Variants in PDZD2 observed in about 807,000 individuals in gnomAD.
PDZD2 encodes PDZ domain-containing protein 2.
A neutral mutation model predicts 220.7 loss-of-function variants in PDZD2; 90 were observed. That is an observed-to-expected ratio of 0.41 (90% CI 0.34 to 0.49). The LOEUF (loss-of-function observed/expected upper bound fraction) is 0.49. Among genes scored for constraint, PDZD2 ranks in the 20% least tolerant of loss-of-function variants. The pLI, the probability that PDZD2 is intolerant of heterozygous loss-of-function variation, is 0.28. For synonymous variants in PDZD2, 1,375 were observed against 1,450.5 expected (o/e 0.95, Z 1.18); for missense variants, 3,174 against 3,608.5 (o/e 0.88, Z 3.08).
chr5:31,875,469 C>A (rs1244909429), intron 2 of PDZD2, among the ~76,000 whole-genome samples: 1 of 151,448 alleles, frequency 6.6e-6, no homozygotes, highest in Non-Finnish European at 1.5e-5. Flanking sequence ...GCCTGTAATC[C>A]TGGCGACTTA....
chr5:31,809,174 C>A (rs1754926400), intron 2 of PDZD2, among the ~76,000 whole-genome samples: 2 of 152,110 alleles, frequency 1.3e-5, no homozygotes, highest in South Asian at 2.1e-4. Flanking sequence ...TTGGAGAGGA[C>A]AGTGGGAGCT....
rs1237139764 is a variant in PDZD2, at chr5:32,015,462, G to C, written c.1407+4980G>C. On this transcript the variant is annotated intron_variant, in intron 6 of 24. Coordinates refer to ENST00000438447, the MANE Select transcript of PDZD2 (RefSeq NM_178140.4). ...GGATGGGGCGTCACTATGTTGCCCA[G>C]CCTGGTTTCAAACTCCTGGCCTCAA... 2.0e-5 allele frequency among the ~76,000 whole-genome samples: 3 copies of C among 152,062 alleles called. No individual in the cohort carries two copies. The East Asian group carries it at 5.8e-4, about 29-fold the overall frequency.
chr5:31,881,858 G>A (rs547101720), intron 2 of PDZD2, among the ~76,000 whole-genome samples: 1 of 151,632 alleles, frequency 6.6e-6, no homozygotes, highest in South Asian at 2.1e-4. Flanking sequence ...GGGACTACAC[G>A]CATGCATCAC....
chr5:31,937,403 C>T (rs992736313), intron 2 of PDZD2, among the ~76,000 whole-genome samples: 3 of 152,104 alleles, frequency 2.0e-5, no homozygotes, highest in African/African-American at 4.8e-5. Flanking sequence ...GAACTGTTTG[C>T]GTTGAGGTTT....
intron 2 of PDZD2, among the ~76,000 whole-genome samples, chr5:31,937,198 T>C (rs1745823846): frequency 6.6e-6 from 1 of 152,340 alleles, no homozygotes; most frequent in East Asian, 1.9e-4. Context: ...TTCTGAATCA[T>C]TTCTAGGCCT....
intron 21 of PDZD2, 67 bp from the exon 22 acceptor site, chr5:32,097,212 A>C: frequency 1.0e-6 from 1 of 984,282 alleles, no homozygotes; most frequent in Non-Finnish European, 1.6e-6. Context: ...GCCCAAGGGG[A>C]TATGTTTTTC....
chr5:31,890,908 C>T (rs1283583193), intron 2 of PDZD2, among the ~76,000 whole-genome samples: 1 of 152,102 alleles, frequency 6.6e-6, no homozygotes, highest in Non-Finnish European at 1.5e-5. Flanking sequence ...ATCTTTCATA[C>T]CCTGTAAAAA....
rs377756230 is a variant in PDZD2 at position 32,088,371 on chromosome 5, G to A, written c.4923G>A (p.Ser1641=). Residue 1641 remains serine, a synonymous_variant, in exon 20 of 25, where the codon TCG becomes TCA. Transcript: ENST00000438447. The surrounding 1 kb of genome is among the most constrained non-coding windows in gnomAD (Gnocchi z 4.6). ...LSLKYSTPRE[S]VASPREKAAC... is the part of the protein sequence containing the mutation. ...TAAAATACAGCACTCCGAGAGAGTC[G>A]GTGGCCAGTCCCCGTGAGAAGGCCG... 13 of 1,613,994 alleles carry A rather than the reference G, an allele frequency of 8.1e-6. 1 individual carries two copies. The highest frequency in any genetic ancestry group is 5.5e-5 in the South Asian group (5 of 91,058).
chr5:31,966,874 C>T (rs1748806906), intron 2 of PDZD2, among the ~76,000 whole-genome samples: 1 of 152,268 alleles, frequency 6.6e-6, no homozygotes, highest in South Asian at 2.1e-4. Flanking sequence ...GCCTGCCTGC[C>T]ACAGAGCCTC....
At chr5:31,730,806 AG>A (rs1026243890) in intron 1 of PDZD2, among the ~76,000 whole-genome samples, 3 of 152,294 alleles carry the variant, frequency 2.0e-5, no homozygotes, top group Admixed American at 6.5e-5. Context: ...TTGGTTTAAG[AG>A]GAAAAAGAAG....
At chr5:31,787,869 T>C (rs1016698465) in intron 1 of PDZD2, among the ~76,000 whole-genome samples, 8 of 152,282 alleles carry the variant, frequency 5.3e-5, no homozygotes, top group African/African-American at 1.9e-4. Flanking sequence ...CTTCCATGGG[T>C]CTTTACGCAT....
chr5:32,088,808 T>A lies in PDZD2; in HGVS notation c.5360T>A (p.Leu1787Gln). 6.2e-7 allele frequency: 1 copy of A among 1,613,976 alleles called. No individual in the cohort carries two copies. The highest frequency in any genetic ancestry group is 8.5e-7 in the Non-Finnish European group (1 of 1,179,952). The change falls in exon 20 of 25, where the codon CTA (leucine) becomes CAA (glutamine). Residue 1787 changes from leucine (L) to glutamine (Q), a missense_variant. Leu to Gln is a moderately radical substitution (Grantham distance 113, BLOSUM62 -2). Transcript: ENST00000438447. This position sits in a 1 kb window ranked among gnomAD's most constrained non-coding sequence, Gnocchi z 4.6. ...GAAAGTCAAGACCTGGATGACTTGC[T>A]ACAGAAACCAAAAATGATCGCTAGG... ...ISESQDLDDL[L>Q]QKPKMIARRP...
At chr5:31,794,084 A>G (rs930317907) in intron 1 of PDZD2, among the ~76,000 whole-genome samples, 3 of 152,136 alleles carry the variant, frequency 2.0e-5, no homozygotes, top group African/African-American at 4.8e-5. Flanking sequence ...TAAAAAAAAA[A>G]TCTGTCATCC....
chr5:31,992,265 G>A (rs901659428), intron 3 of PDZD2, among the ~76,000 whole-genome samples: 2 of 152,172 alleles, frequency 1.3e-5, no homozygotes, highest in African/African-American at 4.8e-5. Context: ...GAGTAGTGTA[G>A]TTGGGGGCTG....
rs1428523035 is a variant in PDZD2, at chr5:32,088,579, C to T, written c.5131C>T (p.Leu1711=). ...SASSAMENSP[L]SKVARHFHSP... is the part of the protein sequence containing the mutation. Reference sequence around the variant, plus strand: ...TAGCTCAGCCATGGAAAACAGTCCGCTGTCTAAAGTAGCCAGGCATTTTCA... The same window carrying T: ...TAGCTCAGCCATGGAAAACAGTCCGTTGTCTAAAGTAGCCAGGCATTTTCA... Residue 1711 remains leucine (L), a synonymous_variant, in exon 20 of 25, where the codon CTG becomes TTG. Coordinates refer to ENST00000438447, the MANE Select transcript of PDZD2 (RefSeq NM_178140.4). The surrounding 1 kb of genome is among the most constrained non-coding windows in gnomAD (Gnocchi z 4.6). 1 of 1,614,148 alleles carries T rather than the reference C, an allele frequency of 6.2e-7. No homozygotes were observed.
At chr5:31,756,534 G>T in intron 1 of PDZD2, among the ~76,000 whole-genome samples, 1 of 152,222 alleles carries the variant, frequency 6.6e-6, no homozygotes, top group East Asian at 1.9e-4. Flanking sequence ...GGCTGGGGGA[G>T]CTATGGGGAC....
chr5:31,729,624 C>T (rs1454427110), intron 1 of PDZD2, among the ~76,000 whole-genome samples: 1 of 152,134 alleles, frequency 6.6e-6, no homozygotes, highest in Admixed American at 6.5e-5. Flanking sequence ...AGAGGACTGT[C>T]CTTAGCTTTT....
intron 1 of PDZD2, among the ~76,000 whole-genome samples, chr5:31,789,857 G>A (rs769519254): frequency 5.3e-5 from 8 of 152,116 alleles, no homozygotes; most frequent in Non-Finnish European, 1.0e-4. Context: ...GGTGGAGGTT[G>A]CAGTGAGCTG....
intron 1 of PDZD2, among the ~76,000 whole-genome samples, chr5:31,715,979 G>C (rs1427030907): frequency 6.6e-6 from 1 of 152,170 alleles, no homozygotes; most frequent in Non-Finnish European, 1.5e-5. Flanking sequence ...AAGCTCTACA[G>C]GGTATATGGA....
Sources: allele counts gnomAD v4.1 joint callset (sites outside exome capture counted in the v4.1 genomes callset), GRCh38; gene constraint gnomAD v4.1.1; non-coding constraint Gnocchi (gnomAD v3.1); transcripts MANE v1.5; gene names NCBI Gene and HGNC (gene_info 2026-07-23, HGNC 2026-07-21).